The following TSPAN18 variants were observed in gnomAD, a reference collection of about 807,000 sequenced individuals.
TSPAN18 encodes tetraspanin-18.
Under a neutral mutation model 27.3 loss-of-function variants are expected in TSPAN18, and 14 were observed. The ratio of observed to expected loss-of-function variants is 0.51; its 90% confidence interval spans 0.34 to 0.80. TSPAN18 has a LOEUF of 0.80. Ranked by LOEUF, TSPAN18 falls within the 30% of genes least tolerant of loss-of-function variation. The pLI, the probability that TSPAN18 is intolerant of heterozygous loss-of-function variation, is 0.01. For missense variants in TSPAN18, 268 were observed against 323.9 expected (o/e 0.83, Z 1.32); for synonymous variants, 143 against 136.5 (o/e 1.05, Z -0.33).
intron 4 of TSPAN18, among the ~76,000 whole-genome samples, chr11:44,909,109 T>C (rs1859613153): frequency 6.6e-6 from 1 of 151,990 alleles, no homozygotes; most frequent in Admixed American, 6.6e-5. Context: ...GATTTGAGAG[T>C]GGGGAGCCCA....
At chr11:44,796,252 ACTGGCAAGCGAC>A (rs1856346875) in intron 2 of TSPAN18, among the ~76,000 whole-genome samples, 1 of 152,332 alleles carries the variant, frequency 6.6e-6, no homozygotes, top group South Asian at 2.1e-4. Flanking sequence ...TTTAGAGTTC[ACTGGCAAGCGAC>A]CTGAGGTGTA....
intron 2 of TSPAN18, among the ~76,000 whole-genome samples, chr11:44,779,689 C>T (rs1855892592): frequency 6.6e-6 from 1 of 152,096 alleles, no homozygotes; most frequent in East Asian, 1.9e-4. Context: ...CACACACTGG[C>T]ACACATACCT....
chr11:44,761,607 C>T (rs919242627), intron 1 of TSPAN18, among the ~76,000 whole-genome samples: 4 of 152,180 alleles, frequency 2.6e-5, no homozygotes, highest in Admixed American at 6.5e-5. Flanking sequence ...CTCTGGAGCG[C>T]AAAACCTGGA....
intron 3 of TSPAN18, among the ~76,000 whole-genome samples, chr11:44,894,409 G>C (rs1237138371): frequency 2.0e-5 from 3 of 152,204 alleles, no homozygotes; most frequent in Non-Finnish European, 4.4e-5. Context: ...TCCACTGGGG[G>C]CTTCTCCATC....
chr11:44,832,654 C>T (rs761303383), intron 2 of TSPAN18, among the ~76,000 whole-genome samples: 2 of 152,166 alleles, frequency 1.3e-5, no homozygotes, highest in Non-Finnish European at 2.9e-5. Flanking sequence ...GTCCCGGGGA[C>T]CCTGGGGAAC....
At chr11:44,922,780 G>A (rs553923257) in intron 8 of TSPAN18, among the ~76,000 whole-genome samples, 16 of 152,270 alleles carry the variant, frequency 1.1e-4, no homozygotes, top group Non-Finnish European at 1.9e-4. Flanking sequence ...GTTTGGGGAC[G>A]ATCTTGCATT....
At chr11:44,879,526 G>A (rs745806377) in intron 3 of TSPAN18, among the ~76,000 whole-genome samples, 1 of 152,252 alleles carries the variant, frequency 6.6e-6, no homozygotes, top group Non-Finnish European at 1.5e-5. Context: ...GAATAAATGA[G>A]CCATGTGGAA....
At chr11:44,740,560 T>C (rs1054531074) in intron 1 of TSPAN18, among the ~76,000 whole-genome samples, 1 of 152,124 alleles carries the variant, frequency 6.6e-6, no homozygotes, top group African/African-American at 2.4e-5. Flanking sequence ...GGGGACGTAG[T>C]GGCCGAGCTC....
At chr11:44,779,271 C>G (rs1855883931) in intron 2 of TSPAN18, among the ~76,000 whole-genome samples, 1 of 152,164 alleles carries the variant, frequency 6.6e-6, no homozygotes, top group Admixed American at 6.5e-5. Context: ...CAGCCCTTTA[C>G]CCTCGGGATT....
rs377673620 is a variant in TSPAN18 at position 44,810,637 on chromosome 11, T to C, written c.-153+46125T>C. Among the ~76,000 whole-genome samples, 9 of 150,896 alleles carry C rather than the reference T, an allele frequency of 6.0e-5. No homozygotes were observed. The South Asian group carries it at 1.9e-3, about 32-fold the overall frequency. ...TTTTTTTTGAGACAGGGTCTCACTG[T>C]GCCACCCAAGCTGGAGTGCTGTGAC... is the stretch of plus-strand genomic sequence containing the variant. On this transcript the variant is annotated intron_variant, in intron 2 of 9. Transcript: ENST00000520358.
chr11:44,871,210 CA>C (rs2135238239), intron 3 of TSPAN18, among the ~76,000 whole-genome samples: 1 of 152,236 alleles, frequency 6.6e-6, no homozygotes, highest in Non-Finnish European at 1.5e-5. Flanking sequence ...GATTAAACAA[CA>C]AATATTTATT....
intron 2 of TSPAN18, among the ~76,000 whole-genome samples, chr11:44,776,233 A>T (rs1855804506): frequency 6.6e-6 from 1 of 152,194 alleles, no homozygotes; most frequent in African/African-American, 2.4e-5. Flanking sequence ...AGGAACTAGT[A>T]AGACCACTGT....
chr11:44,763,158 G>A (rs1590432430), intron 1 of TSPAN18, among the ~76,000 whole-genome samples: 3 of 152,172 alleles, frequency 2.0e-5, no homozygotes, highest in South Asian at 4.1e-4. Flanking sequence ...ATTATCATTC[G>A]AGAGACCTGA....
chr11:44,802,340 G>A (rs1163575659), intron 2 of TSPAN18, among the ~76,000 whole-genome samples: 4 of 151,718 alleles, frequency 2.6e-5, no homozygotes, highest in Non-Finnish European at 4.4e-5. Flanking sequence ...GAGAGCTGTG[G>A]GAGATGGAGT....
chr11:44,859,245 C>A (rs1016538465), intron 2 of TSPAN18, among the ~76,000 whole-genome samples: 1 of 152,168 alleles, frequency 6.6e-6, no homozygotes, highest in Non-Finnish European at 1.5e-5. Flanking sequence ...TGCTGTTTGT[C>A]TAAAGTCTTG....
chr11:44,821,988 G>T (rs1445605200), intron 2 of TSPAN18, among the ~76,000 whole-genome samples: 1 of 152,148 alleles, frequency 6.6e-6, no homozygotes, highest in Non-Finnish European at 1.5e-5. Context: ...GATGGCTGGG[G>T]GTGAAGGCCA....
intron 3 of TSPAN18, among the ~76,000 whole-genome samples, chr11:44,891,725 G>GAGCA (rs1434741536): frequency 6.6e-6 from 1 of 152,158 alleles, no homozygotes; most frequent in Non-Finnish European, 1.5e-5. Flanking sequence ...GGACGCTTTG[G>GAGCA]AGCAGCCAGA....
rs1047075535 is a variant in TSPAN18, at chr11:44,825,357, T to C, written c.-152-34971T>C. ...TTCCCCATTTCACAAATGAGAAGAC[T>C]GAGGCCCCACCAGGTTGAGTAAATG... On this transcript the variant is annotated intron_variant, in intron 2 of 9. Transcript: ENST00000520358. Among the ~76,000 whole-genome samples, 35 of 152,200 alleles carry C rather than the reference T, an allele frequency of 2.3e-4. 1 individual carries two copies. Among genetic ancestry groups the C allele is most frequent in the African/African-American group, 8.4e-4 (35 of 41,450 alleles).
At chr11:44,918,833 C>T (rs1057383426) in intron 6 of TSPAN18, among the ~76,000 whole-genome samples, 1 of 151,876 alleles carries the variant, frequency 6.6e-6, no homozygotes, top group Non-Finnish European at 1.5e-5. Flanking sequence ...GGTCCTGTAG[C>T]TTCTTCAGGC....
Sources: allele counts gnomAD v4.1 joint callset (sites outside exome capture counted in the v4.1 genomes callset), GRCh38; gene constraint gnomAD v4.1.1; transcripts MANE v1.5; gene names NCBI Gene and HGNC (gene_info 2026-07-23, HGNC 2026-07-21).